NWD2: variants seen among roughly 807,000 people sequenced by gnomAD.
NWD2 encodes the protein NACHT and WD repeat domain containing 2.
A neutral mutation model predicts 132.7 loss-of-function variants in NWD2; 37 were observed. The observed-to-expected ratio is 0.28, with a 90% CI of 0.21 to 0.37. The LOEUF (loss-of-function observed/expected upper bound fraction) is 0.37. Ranked by LOEUF, NWD2 falls within the 10% of genes least tolerant of loss-of-function variation. The pLI, the probability that NWD2 is intolerant of heterozygous loss-of-function variation, is 1.00. For missense variants in NWD2, 1,592 were observed against 2,122.4 expected (o/e 0.75, Z 4.91); for synonymous variants, 705 against 803.0 (o/e 0.88, Z 2.06).
At chr4:37,339,634 A>G (rs1719478235) in intron 2 of NWD2, among the ~76,000 whole-genome samples, 1 of 152,200 alleles carries the variant, frequency 6.6e-6, no homozygotes. Context: ...TACAGTCACC[A>G]TGAGGCCTTT....
intron 2 of NWD2, among the ~76,000 whole-genome samples, chr4:37,338,284 G>T (rs557599482): frequency 6.6e-6 from 1 of 152,308 alleles, no homozygotes; most frequent in South Asian, 2.1e-4. Flanking sequence ...ACCCAGCCGT[G>T]ACTGCCACTA....
intron 5 of NWD2, among the ~76,000 whole-genome samples, chr4:37,435,970 A>G (rs891169374): frequency 6.6e-6 from 1 of 152,204 alleles, no homozygotes; most frequent in South Asian, 2.1e-4. Context: ...AGAATACTGG[A>G]TAGAACCTGT....
At chr4:37,302,618 T>A (rs995093398) in intron 1 of NWD2, among the ~76,000 whole-genome samples, 2 of 151,942 alleles carry the variant, frequency 1.3e-5, no homozygotes. Context: ...CTCACCAGCA[T>A]TTTTTTTATT....
chr4:37,301,758 T>TA (rs1560389137), intron 1 of NWD2, among the ~76,000 whole-genome samples: 1 of 152,114 alleles, frequency 6.6e-6, no homozygotes, highest in African/African-American at 2.4e-5. Context: ...ATATTTAAGA[T>TA]AATTTTGTAT....
intron 2 of NWD2, among the ~76,000 whole-genome samples, chr4:37,353,805 G>C (rs1448904393): frequency 6.6e-6 from 1 of 151,892 alleles, no homozygotes; most frequent in Admixed American, 6.6e-5. Context: ...CCTTTAGCTT[G>C]GTGGAGTTTG....
At chr4:37,359,475 C>T (rs1454589697) in intron 3 of NWD2, among the ~76,000 whole-genome samples, 1 of 152,124 alleles carries the variant, frequency 6.6e-6, no homozygotes, top group African/African-American at 2.4e-5. Context: ...GCTCCAGTTT[C>T]CTCGCCCAGT....
chr4:37,278,907 C>A (rs762634456), intron 1 of NWD2, among the ~76,000 whole-genome samples: 26 of 152,148 alleles, frequency 1.7e-4, no homozygotes, highest in Non-Finnish European at 1.9e-4. Context: ...GCATACTCAA[C>A]CCCCTGTAGA....
intron 3 of NWD2, among the ~76,000 whole-genome samples, chr4:37,368,014 C>T (rs139026179): frequency 1.1e-3 from 171 of 152,204 alleles, no homozygotes; most frequent in African/African-American, 4.0e-3. Flanking sequence ...AGGGATTGAA[C>T]TATAAGGTCC....
intron 1 of NWD2, among the ~76,000 whole-genome samples, chr4:37,317,531 C>T (rs1483751991): frequency 6.6e-6 from 1 of 152,126 alleles, no homozygotes; most frequent in African/African-American, 2.4e-5. Context: ...GATTGACTTT[C>T]TTTGAGCTGG....
chr4:37,375,239 C>T (rs184204591), intron 3 of NWD2, among the ~76,000 whole-genome samples: 457 of 152,234 alleles, frequency 3.0e-3, no homozygotes, highest in Non-Finnish European at 4.9e-3. Flanking sequence ...ATAGTCATGC[C>T]TAGTGTCAAA....
At chr4:37,338,417 G>C (rs1192493246) in intron 2 of NWD2, among the ~76,000 whole-genome samples, 2 of 152,114 alleles carry the variant, frequency 1.3e-5, no homozygotes, top group Non-Finnish European at 2.9e-5. Context: ...TGAGAGGCTC[G>C]GCATCTTGAT....
chr4:37,390,478 T>C (rs2109311685), intron 3 of NWD2, among the ~76,000 whole-genome samples: 1 of 152,276 alleles, frequency 6.6e-6, no homozygotes, highest in South Asian at 2.1e-4. Context: ...ATTTGGTTTA[T>C]AGTAAATCAG....
chr4:37,416,180 C>T (rs2973221), intron 3 of NWD2, among the ~76,000 whole-genome samples: 36,887 of 152,108 alleles, frequency 0.24, 5,305 homozygotes, highest in Middle Eastern at 0.31. Flanking sequence ...TGTATCCAGG[C>T]CGGGGTAGGG....
rs55980714 is a variant in NWD2, at chr4:37,340,366, A to G, written c.240+14342A>G. 7.5e-3 allele frequency among the ~76,000 whole-genome samples: 1,145 copies of G among 152,300 alleles called. 2 individuals carry two copies. The highest frequency in any genetic ancestry group is 0.019 in the South Asian group (94 of 4,828). On this transcript the variant is annotated intron_variant, in intron 2 of 6. Transcript: ENST00000309447. ...TCATTGGCATCTACCCCAGAGCCCC[A>G]GGGGCAGATTAAGGTAGTTTCTCCC...
At chr4:37,328,329 G>A (rs1241090083) in intron 2 of NWD2, among the ~76,000 whole-genome samples, 1 of 151,898 alleles carries the variant, frequency 6.6e-6, no homozygotes, top group African/African-American at 2.4e-5. Flanking sequence ...ATGTACCATG[G>A]TGGTTTGCTG....
At chr4:37,358,303 C>T (rs1321512816) in intron 3 of NWD2, among the ~76,000 whole-genome samples, 1 of 151,922 alleles carries the variant, frequency 6.6e-6, no homozygotes, top group African/African-American at 2.4e-5. Flanking sequence ...AGCAGGCAGA[C>T]CTTTAGAGAG....
chr4:37,443,286 C>T lies in NWD2; in HGVS notation c.1298C>T (p.Ala433Val), dbSNP rs749161360. 1.4e-5 allele frequency: 22 copies of T among 1,547,356 alleles called. No homozygotes were observed. The African/African-American group carries it at 2.7e-4, about 19-fold the overall frequency. The part of the protein sequence containing the change: ...TLLLAEVAKK[A>V]YGWLHEDTGP... ...CTAAACTCCACTTTTGTGTTTCAGG[C>T]TTATGGCTGGCTACATGAGGACACA... Residue 433 changes from alanine (A) to valine (V), a missense_variant and splice_region_variant, in exon 7 of 7, where the codon GCT becomes GTT. Around this residue, in one of 7 missense-constraint regions of NWD2, gnomAD observed 1,071 missense variants for 1,398.0 expected, o/e 0.77. Coordinates refer to ENST00000309447, the MANE Select transcript of NWD2 (RefSeq NM_001144990.2). This position sits in a 1 kb window ranked among gnomAD's most constrained non-coding sequence, Gnocchi z 4.1.
rs1420074926 is a variant in NWD2 at position 37,438,945 on chromosome 4, C to T, written c.851C>T (p.Thr284Ile). 1.1e-5 allele frequency: 17 copies of T among 1,551,908 alleles called. No individual in the cohort carries two copies. Among genetic ancestry groups the T allele is most frequent in the Admixed American group, 2.0e-5 (1 of 50,980 alleles). ...GGAAAATACATGGATATAACTGGAA[C>T]AGAACCGAGGATTATTCGGGACCCA... ...EMGKYMDITG[T>I]EPRIIRDPEA... Residue 284 changes from threonine to isoleucine, a missense_variant, in exon 6 of 7, where the codon ACA becomes ATA. Physicochemically the swap from Thr to Ile is moderately conservative, Grantham distance 89. Around this residue, in one of 7 missense-constraint regions of NWD2, gnomAD observed 1,071 missense variants for 1,398.0 expected, o/e 0.77. Coordinates refer to ENST00000309447, the MANE Select transcript of NWD2 (RefSeq NM_001144990.2).
chr4:37,351,544 A>T (rs1719763337), intron 2 of NWD2, among the ~76,000 whole-genome samples: 1 of 151,974 alleles, frequency 6.6e-6, no homozygotes, highest in South Asian at 2.1e-4. Flanking sequence ...ATCATTTGTT[A>T]TTGTGTCTAT....
Sources: allele counts gnomAD v4.1 joint callset (sites outside exome capture counted in the v4.1 genomes callset), GRCh38; gene constraint gnomAD v4.1.1; regional missense constraint gnomAD v4.1.1; non-coding constraint Gnocchi (gnomAD v3.1); transcripts MANE v1.5; gene names NCBI Gene and HGNC (gene_info 2026-07-23, HGNC 2026-07-21).